Variants in DSCAM observed in about 807,000 individuals in gnomAD.
DSCAM encodes cell adhesion molecule DSCAM.
Under a neutral mutation model 217.7 loss-of-function variants are expected in DSCAM, and 47 were observed. That is an observed-to-expected ratio of 0.22 (90% CI 0.17 to 0.28). The LOEUF (loss-of-function observed/expected upper bound fraction) is 0.28. Among genes scored for constraint, DSCAM ranks in the 10% least tolerant of loss-of-function variants. The pLI, the probability that DSCAM is intolerant of heterozygous loss-of-function variation, is 1.00. For synonymous variants in DSCAM, 1,056 were observed against 1,015.3 expected, an observed-to-expected ratio of 1.04 and a Z score of -0.76; for missense variants, 2,080 against 2,618.3, an observed-to-expected ratio of 0.79 and a Z score of 4.49.
chr21:40,521,665 A>G (rs2076360318), intron 3 of DSCAM, among the ~76,000 whole-genome samples: 2 of 152,156 alleles, frequency 1.3e-5, no homozygotes, highest in Admixed American at 1.3e-4. Flanking sequence ...TGTGAAATCT[A>G]AAGTCAATCT....
At chr21:40,464,961 G>A (rs78673008) in intron 3 of DSCAM, among the ~76,000 whole-genome samples, 11,080 of 151,926 alleles carry the variant, frequency 0.073, 789 homozygotes, top group African/African-American at 0.18. Context: ...GGATGGTATC[G>A]ATCTCTTTAT....
chr21:40,224,258 A>G (rs376508), intron 11 of DSCAM, among the ~76,000 whole-genome samples: 84,232 of 152,072 alleles, frequency 0.55, 25,242 homozygotes, highest in African/African-American at 0.79. Context: ...CACTATTTCA[A>G]ACAAGATCTG....
At chr21:40,137,058 C>A (rs1263600114) in intron 18 of DSCAM, among the ~76,000 whole-genome samples, 3 of 151,476 alleles carry the variant, frequency 2.0e-5, no homozygotes, top group Non-Finnish European at 4.4e-5. Context: ...CCTGTAGTCC[C>A]AGGTACTCGG....
intron 9 of DSCAM, 59 bp downstream of exon 9, chr21:40,312,022 C>A (rs1035794432): frequency 7.7e-7 from 1 of 1,299,172 alleles, no homozygotes; most frequent in African/African-American, 1.6e-5. Context: ...GCCCCATCAT[C>A]TTAAACCATT....
intron 32 of DSCAM, among the ~76,000 whole-genome samples, chr21:40,039,298 GAAATAAAAATCAAAAAAAAAAAGAATGGA>G (rs1568905752): frequency 2.1e-5 from 3 of 146,058 alleles, no homozygotes; most frequent in African/African-American, 7.5e-5. Context: ...TTATGCAGAT[GAAATAAAAATCAAAAAAAAAAAGAATGGA>G]AAATAAGTCA....
At chr21:40,320,130 C>T (rs981172389) in intron 8 of DSCAM, among the ~76,000 whole-genome samples, 1 of 152,134 alleles carries the variant, frequency 6.6e-6, no homozygotes, top group African/African-American at 2.4e-5. Flanking sequence ...GTGCAGCATA[C>T]CACCATGGCA....
intron 4 of DSCAM, among the ~76,000 whole-genome samples, chr21:40,362,876 G>T (rs551907668): frequency 6.6e-6 from 1 of 152,212 alleles, no homozygotes; most frequent in East Asian, 1.9e-4. Context: ...ACACATGTAT[G>T]TATAAAATTA....
intron 1 of DSCAM, among the ~76,000 whole-genome samples, chr21:40,825,782 A>AT (rs1208909371): frequency 6.6e-6 from 1 of 152,150 alleles, no homozygotes; most frequent in Non-Finnish European, 1.5e-5. Context: ...ATTCTAGGGC[A>AT]TAATGCTTGT....
At chr21:40,339,078 G>A (rs979756090) in intron 7 of DSCAM, 41 bp downstream of exon 7, 2 of 1,605,564 alleles carry the variant, frequency 1.2e-6, no homozygotes, top group Admixed American at 1.7e-5. Flanking sequence ...CCACTATAAT[G>A]AGTTATGTGT....
rs144532191 is a variant in DSCAM at position 40,563,034 on chromosome 21, G to A, written c.508+129776C>T. Reference sequence around the variant, plus strand: ...ATTTGGCTGATAGAGACAATCGCCCGGATTTGCTGAAGCAGGGTGAGTTAT... The same window carrying A: ...ATTTGGCTGATAGAGACAATCGCCCAGATTTGCTGAAGCAGGGTGAGTTAT... On this transcript the variant is annotated intron_variant, in intron 3 of 32. Coordinates refer to ENST00000400454, the MANE Select transcript of DSCAM (RefSeq NM_001389.5). Among the ~76,000 whole-genome samples, 8 of 152,208 alleles carry A rather than the reference G, an allele frequency of 5.3e-5. No homozygotes were observed. In the East Asian group the frequency reaches 9.7e-4, roughly 18 times the overall value.
chr21:40,145,922 C>T (rs1025454862), intron 16 of DSCAM, among the ~76,000 whole-genome samples: 27 of 151,458 alleles, frequency 1.8e-4, no homozygotes, highest in African/African-American at 5.6e-4. Flanking sequence ...TTCAGGCAGT[C>T]AACAGATATG....
At chr21:40,286,802 A>AT (rs1244391867) in intron 10 of DSCAM, among the ~76,000 whole-genome samples, 1 of 141,794 alleles carries the variant, frequency 7.1e-6, no homozygotes, top group African/African-American at 2.9e-5. Flanking sequence ...TATGATCTGC[A>AT]GGTATCTGCA....
intron 1 of DSCAM, among the ~76,000 whole-genome samples, chr21:40,728,431 T>C (rs922481931): frequency 6.6e-6 from 1 of 151,962 alleles, no homozygotes; most frequent in Admixed American, 6.6e-5. Context: ...TTTTTTTTTT[T>C]ATTTTGAGAC....
chr21:40,146,525 C>G (rs560450662), intron 16 of DSCAM, among the ~76,000 whole-genome samples: 1 of 152,272 alleles, frequency 6.6e-6, no homozygotes, highest in African/African-American at 2.4e-5. Context: ...GGATTCCATG[C>G]CTCAGCCTGT....
chr21:40,816,550 T>G (rs2091883357), intron 1 of DSCAM, among the ~76,000 whole-genome samples: 1 of 152,178 alleles, frequency 6.6e-6, no homozygotes, highest in African/African-American at 2.4e-5. Context: ...CACTCCAGCC[T>G]GGGCAACAAG....
At chr21:40,278,465 G>A (rs1601511692) in intron 10 of DSCAM, among the ~76,000 whole-genome samples, 1 of 152,170 alleles carries the variant, frequency 6.6e-6, no homozygotes, top group Non-Finnish European at 1.5e-5. Flanking sequence ...GGCCATGACA[G>A]CTCACACCTG....
chr21:40,374,553 C>T (rs1238286272), intron 3 of DSCAM, among the ~76,000 whole-genome samples: 1 of 152,194 alleles, frequency 6.6e-6, no homozygotes, highest in African/African-American at 2.4e-5. Flanking sequence ...GAAAGATATA[C>T]TGAGTCCATG....
intron 1 of DSCAM, among the ~76,000 whole-genome samples, chr21:40,752,676 G>C (rs1196506606): frequency 6.6e-6 from 1 of 152,120 alleles, no homozygotes; most frequent in African/African-American, 2.4e-5. Flanking sequence ...ATCGGAGAAA[G>C]ACCCTGTCCA....
At chr21:40,286,720 T>A (rs760679568) in intron 10 of DSCAM, among the ~76,000 whole-genome samples, 240 of 140,890 alleles carry the variant, frequency 1.7e-3, no homozygotes, top group African/African-American at 7.3e-3. Context: ...TCATCTGCAG[T>A]GTGATCCACA....
Sources: allele counts gnomAD v4.1 joint callset (sites outside exome capture counted in the v4.1 genomes callset), GRCh38; gene constraint gnomAD v4.1.1; transcripts MANE v1.5; gene names NCBI Gene and HGNC (gene_info 2026-07-23, HGNC 2026-07-21).